PAPPA2: variants seen among roughly 807,000 people sequenced by gnomAD.
The protein encoded by PAPPA2 is pappalysin-2.
A neutral mutation model predicts 176.4 loss-of-function variants in PAPPA2; 86 were observed. The ratio of observed to expected loss-of-function variants is 0.49; its 90% CI spans 0.41 to 0.58. The LOEUF is 0.58. PAPPA2 is among the 20% of genes least tolerant of loss of function. The pLI, the probability that PAPPA2 is intolerant of heterozygous loss-of-function variation, is 0.00. For synonymous variants in PAPPA2, 809 were observed against 852.2 expected (o/e 0.95, Z 0.88); for missense variants, 2,073 against 2,256.9 (o/e 0.92, Z 1.65).
chr1:176,497,002 A>T (rs908774024), intron 1 of PAPPA2, among the ~76,000 whole-genome samples: 1 of 152,098 alleles, frequency 6.6e-6, no homozygotes, highest in Non-Finnish European at 1.5e-5. Context: ...ACTAGACAGA[A>T]AGAGATTTGG....
chr1:176,700,857 A>T (rs571442615), intron 8 of PAPPA2, among the ~76,000 whole-genome samples: 2 of 152,266 alleles, frequency 1.3e-5, no homozygotes, highest in Non-Finnish European at 2.9e-5. Flanking sequence ...GTAGAGAAAA[A>T]TGTCCACCTT....
intron 14 of PAPPA2, among the ~76,000 whole-genome samples, chr1:176,747,396 T>TA (rs1056005673): frequency 6.6e-6 from 1 of 152,120 alleles, no homozygotes. Flanking sequence ...GTGTAGGAAA[T>TA]ATGCAATTCA....
In PAPPA2 at chr1:176,655,751, G is replaced by A. The variant is rs140028939; in HGVS notation, c.1992-15219G>A. On this transcript the variant is annotated intron_variant, in intron 3 of 22. Coordinates refer to ENST00000367662, the MANE Select transcript of PAPPA2 (RefSeq NM_020318.3). ...TGGGTACAGTGTATATTATTTGGGC[G>A]ATAGGCACATTAAAAGCTCTGACAT... 3.2e-4 allele frequency among the ~76,000 whole-genome samples: 48 copies of A among 151,792 alleles called. 1 individual carries two copies. The highest frequency in any genetic ancestry group is 6.8e-3 in the Middle Eastern group (2 of 294).
At position 176,595,085 on chromosome 1, in the gene PAPPA2, T is replaced by G; in HGVS notation, c.1481T>G (p.Leu494Trp). The G allele has an allele frequency of 6.2e-7, 1 of 1,614,130 alleles. No homozygotes were observed. The highest frequency in any genetic ancestry group is 8.5e-7 in the Non-Finnish European group (1 of 1,180,016). The stretch of plus-strand genomic sequence containing the variant: ...CCAGAGCCTGAGATTCTGTCGCCTT[T>G]GCAGCCCCCACTCTGTGGGCAAACA... Reference protein sequence around the residue: ...FEPEPEILSPLQPPLCGQTVC... With the variant: ...FEPEPEILSPWQPPLCGQTVC... Residue 494 changes from leucine (L) to tryptophan (W), a missense_variant, in exon 3 of 23, where the codon TTG becomes TGG. Coordinates refer to ENST00000367662, the MANE Select transcript of PAPPA2 (RefSeq NM_020318.3).
At chr1:176,752,982 G>C (rs943796719) in intron 14 of PAPPA2, among the ~76,000 whole-genome samples, 1 of 152,222 alleles carries the variant, frequency 6.6e-6, no homozygotes, top group African/African-American at 2.4e-5. Flanking sequence ...TGTTCATGGA[G>C]AATTCACTGT....
At chr1:176,655,818 C>T (rs186250870) in intron 3 of PAPPA2, among the ~76,000 whole-genome samples, 1 of 151,858 alleles carries the variant, frequency 6.6e-6, no homozygotes, top group African/African-American at 2.4e-5. Context: ...TTACACCGGT[C>T]CCCATAAATT....
intron 2 of PAPPA2, among the ~76,000 whole-genome samples, chr1:176,594,193 G>A (rs886286801): frequency 6.6e-6 from 1 of 152,236 alleles, no homozygotes; most frequent in Non-Finnish European, 1.5e-5. Context: ...AGCCAGTCAT[G>A]AGCATGAAGC....
At chr1:176,660,734 T>C (rs1658316912) in intron 3 of PAPPA2, among the ~76,000 whole-genome samples, 2 of 152,114 alleles carry the variant, frequency 1.3e-5, no homozygotes, top group Admixed American at 6.6e-5. Flanking sequence ...AACAAAATAA[T>C]CAAAACAATA....
chr1:176,563,864 CAG>C (rs1299449129), intron 2 of PAPPA2, among the ~76,000 whole-genome samples: 1 of 152,162 alleles, frequency 6.6e-6, no homozygotes. Flanking sequence ...TGGTTAAAGG[CAG>C]ACCAGTTCCT....
chr1:176,791,108 G>A (rs889467926), intron 18 of PAPPA2, among the ~76,000 whole-genome samples: 1 of 140,014 alleles, frequency 7.1e-6, no homozygotes, highest in Non-Finnish European at 1.5e-5. Context: ...AAAATACATT[G>A]TTAATGCATT....
intron 9 of PAPPA2, among the ~76,000 whole-genome samples, chr1:176,705,460 T>C (rs1398247028): frequency 2.6e-5 from 4 of 152,180 alleles, no homozygotes; most frequent in African/African-American, 9.7e-5. Flanking sequence ...CTGAAAACAC[T>C]TTAACATTCC....
intron 1 of PAPPA2, among the ~76,000 whole-genome samples, chr1:176,508,082 C>T (rs1233487884): frequency 6.6e-6 from 1 of 152,144 alleles, no homozygotes; most frequent in Admixed American, 6.6e-5. Flanking sequence ...GGCTACTCAA[C>T]AGACTTTATA....
intron 4 of PAPPA2, among the ~76,000 whole-genome samples, chr1:176,673,366 A>G (rs1388057745): frequency 2.6e-5 from 4 of 152,094 alleles, no homozygotes; most frequent in Admixed American, 2.0e-4. Context: ...GAGTTATGCT[A>G]ATCAAAAGCA....
At chr1:176,531,192 G>A (rs1176955490) in intron 1 of PAPPA2, among the ~76,000 whole-genome samples, 1 of 152,216 alleles carries the variant, frequency 6.6e-6, no homozygotes, top group African/African-American at 2.4e-5. Context: ...AGGCAAGCCA[G>A]ATCCAACTTG....
chr1:176,795,498 T>C (rs1665389545), intron 20 of PAPPA2, among the ~76,000 whole-genome samples: 1 of 152,222 alleles, frequency 6.6e-6, no homozygotes, highest in Non-Finnish European at 1.5e-5. Context: ...TTTTACTGTA[T>C]CTCATGACTT....
chr1:176,499,654 G>C (rs2102506389), intron 1 of PAPPA2, among the ~76,000 whole-genome samples: 1 of 152,276 alleles, frequency 6.6e-6, no homozygotes, highest in East Asian at 1.9e-4. Flanking sequence ...CGATCTACCA[G>C]CTCTCCTTCA....
At chr1:176,533,890 A>G (rs562634844) in intron 1 of PAPPA2, among the ~76,000 whole-genome samples, 1 of 152,324 alleles carries the variant, frequency 6.6e-6, no homozygotes, top group East Asian at 1.9e-4. Context: ...AGTTCTTGAA[A>G]TGCTGCTAGT....
At chr1:176,839,237 C>T (rs1006064954) in intron 21 of PAPPA2, among the ~76,000 whole-genome samples, 62 of 152,290 alleles carry the variant, frequency 4.1e-4, no homozygotes, top group Non-Finnish European at 1.0e-4. Flanking sequence ...CTGATTTACC[C>T]TCCAGGATAC....
Position 176,636,015 on chromosome 1 carries a change from C to A in PAPPA2, c.1992-34955C>A, listed in dbSNP as rs149259403. Reference sequence around the variant, plus strand: ...TGCCAAATGAAGTTTGTCATCAATTCTGAAACCAGGGCATCACAGTAAATA... The same window carrying A: ...TGCCAAATGAAGTTTGTCATCAATTATGAAACCAGGGCATCACAGTAAATA... On this transcript the variant is annotated intron_variant, in intron 3 of 22. Coordinates refer to ENST00000367662, the MANE Select transcript of PAPPA2 (RefSeq NM_020318.3). Among the ~76,000 whole-genome samples the A allele has an allele frequency of 8.5e-5, 13 of 152,170 alleles. No individual in the cohort carries two copies. The East Asian group carries it at 2.5e-3, about 30-fold the overall frequency.
Sources: allele counts gnomAD v4.1 joint callset (sites outside exome capture counted in the v4.1 genomes callset), GRCh38; gene constraint gnomAD v4.1.1; transcripts MANE v1.5; gene names NCBI Gene and HGNC (gene_info 2026-07-23, HGNC 2026-07-21).